MED15: variants seen among roughly 807,000 people sequenced by gnomAD.
The protein encoded by MED15 is mediator complex subunit 15, also known as mediator of RNA polymerase II transcription subunit 15.
In MED15, 41 loss-of-function variants were observed where a neutral mutation model predicts 118.7. The ratio of observed to expected loss-of-function variants is 0.35; its 90% CI spans 0.27 to 0.45. MED15 has a LOEUF of 0.45. Ranked by LOEUF, MED15 falls within the 20% of genes least tolerant of loss-of-function variation. The pLI is 1.00. For synonymous variants in MED15, 436 were observed against 413.9 expected (o/e 1.05, Z -0.65); for missense variants, 740 against 1,025.5 (o/e 0.72, Z 3.80).
chr22:20,543,185 T>G (rs1199466020), intron 2 of MED15, among the ~76,000 whole-genome samples: 1 of 148,408 alleles, frequency 6.7e-6, no homozygotes, highest in Non-Finnish European at 1.5e-5. Flanking sequence ...TACCCTTAAT[T>G]TATCTCTTTC....
intron 1 of MED15, among the ~76,000 whole-genome samples, chr22:20,519,562 C>A (rs918598155): frequency 6.6e-6 from 1 of 151,806 alleles, no homozygotes; most frequent in Admixed American, 6.6e-5. Flanking sequence ...TCAAGTGATT[C>A]TTGTGCCTCA....
intron 8 of MED15, among the ~76,000 whole-genome samples, chr22:20,571,564 G>A (rs1022422518): frequency 2.6e-5 from 4 of 152,164 alleles, no homozygotes; most frequent in African/African-American, 7.2e-5. Flanking sequence ...TCTGTAACCC[G>A]CATTCTGCTG....
In MED15 at chr22:20,564,578, A is replaced by C. The variant is rs2056366375; in HGVS notation, c.580A>C (p.Ser194Arg). 3 of 1,607,654 alleles carry C rather than the reference A, an allele frequency of 1.9e-6. No homozygotes were observed. The highest frequency in any genetic ancestry group is 2.6e-6 in the Non-Finnish European group (3 of 1,175,526). ...ACAGCAGCAGTTCCAGGCTCAGCAG[A>C]GTGCCATGCAGCAGCAGTTCCAAGC... ...QQQQQFQAQQ[S>R]AMQQQFQAVV... The change falls in exon 6 of 18, where the codon AGT becomes CGT. Residue 194 changes from serine (S) to arginine (R), a missense_variant. By Grantham distance (110) the Ser-to-Arg change is moderately radical. This residue lies in a region of MED15 where 384 missense variants were observed against 506.3 expected (regional missense o/e 0.76). Transcript: ENST00000263205.
At chr22:20,518,241 G>T (rs918944169) in intron 1 of MED15, among the ~76,000 whole-genome samples, 1 of 152,118 alleles carries the variant, frequency 6.6e-6, no homozygotes, top group African/African-American at 2.4e-5. Context: ...CCAGGCTTGC[G>T]TGCCTGGTGA....
At chr22:20,556,282 A>G (rs1271914277) in intron 5 of MED15, among the ~76,000 whole-genome samples, 1 of 150,628 alleles carries the variant, frequency 6.6e-6, no homozygotes, top group Non-Finnish European at 1.5e-5. Flanking sequence ...TCAGTTAGAG[A>G]CTTAGCTTGG....
chr22:20,518,708 T>C (rs1192968351), intron 1 of MED15, among the ~76,000 whole-genome samples: 3 of 152,216 alleles, frequency 2.0e-5, no homozygotes, highest in East Asian at 1.9e-4. Context: ...AATAATTATA[T>C]GTAGGGTTGT....
At chr22:20,508,267 C>G in intron 1 of MED15, 1 of 1,295,630 alleles carries the variant, frequency 7.7e-7, no homozygotes, top group South Asian at 1.2e-5. Flanking sequence ...TGGACTTTGC[C>G]GAAGGATGGC....
chr22:20,557,166 T>C (rs1400629478), intron 5 of MED15, among the ~76,000 whole-genome samples: 1 of 152,160 alleles, frequency 6.6e-6, no homozygotes, highest in Non-Finnish European at 1.5e-5. Context: ...GCTTTGTCAG[T>C]GTAGCAGCTG....
At chr22:20,562,475 C>A (rs907479627) in intron 5 of MED15, among the ~76,000 whole-genome samples, 3 of 152,230 alleles carry the variant, frequency 2.0e-5, no homozygotes, top group South Asian at 4.2e-4. Context: ...ACCTCTGCCT[C>A]CCGGGTTCAA....
At chr22:20,540,463 A>G (rs903760950) in intron 2 of MED15, among the ~76,000 whole-genome samples, 2 of 152,136 alleles carry the variant, frequency 1.3e-5, no homozygotes. Flanking sequence ...AGTCCTGCCT[A>G]ATCGACAGGC....
chr22:20,536,284 A>T (rs549397791), intron 1 of MED15, among the ~76,000 whole-genome samples: 28 of 144,324 alleles, frequency 1.9e-4, no homozygotes, highest in African/African-American at 7.1e-4. Context: ...CACCCCTGGG[A>T]GCCACAGGCC....
Position 20,582,760 on chromosome 22 carries a change from T to C in MED15, c.1409+13T>C, listed in dbSNP as rs2057026698. 1 of 1,568,572 alleles carries C rather than the reference T, an allele frequency of 6.4e-7. No individual in the cohort carries two copies. Among genetic ancestry groups the C allele is most frequent in the South Asian group, 1.1e-5 (1 of 89,186 alleles). Reference sequence around the variant, plus strand: ...ACTCCAACGTCAGGTAGGCCTGGCCTGGGGTGCCCCTCCCCACCTGGCCCT... The same window carrying C: ...ACTCCAACGTCAGGTAGGCCTGGCCCGGGGTGCCCCTCCCCACCTGGCCCT... On this transcript the variant is annotated intron_variant, in intron 10 of 17. Coordinates refer to ENST00000263205, the MANE Select transcript of MED15 (RefSeq NM_001003891.3).
chr22:20,531,232 C>G (rs1461689331), intron 1 of MED15, among the ~76,000 whole-genome samples: 1 of 152,162 alleles, frequency 6.6e-6, no homozygotes, highest in Non-Finnish European at 1.5e-5. Context: ...ATTCAGATTA[C>G]AAGGACTGGG....
At chr22:20,562,224 C>T (rs1234771628) in intron 5 of MED15, among the ~76,000 whole-genome samples, 1 of 152,078 alleles carries the variant, frequency 6.6e-6, no homozygotes, top group African/African-American at 2.4e-5. Context: ...TCAATTACAT[C>T]TCTTTGTTAT....
intron 5 of MED15, among the ~76,000 whole-genome samples, chr22:20,556,169 TAG>T (rs1429211303): frequency 6.6e-6 from 1 of 152,218 alleles, no homozygotes; most frequent in Non-Finnish European, 1.5e-5. Context: ...TGGAATAGCA[TAG>T]AGAGTTCCCA....
At chr22:20,552,682 C>T (rs530277635) in intron 3 of MED15, 22 of 311,946 alleles carry the variant, frequency 7.1e-5, no homozygotes, top group Admixed American at 1.4e-4. Context: ...TCCAGCTGGC[C>T]GTGGACAGCC....
intron 1 of MED15, among the ~76,000 whole-genome samples, chr22:20,529,816 T>C (rs2054790781): frequency 6.6e-6 from 1 of 152,184 alleles, no homozygotes; most frequent in Non-Finnish European, 1.5e-5. Flanking sequence ...GGTCTCGAAC[T>C]CCGGACCTCA....
intron 7 of MED15, among the ~76,000 whole-genome samples, chr22:20,567,673 G>C (rs12627899): frequency 6.6e-6 from 1 of 152,158 alleles, no homozygotes; most frequent in African/African-American, 2.4e-5. Context: ...GTTTGCCCTA[G>C]TGGCTTGGAG....
intron 1 of MED15, among the ~76,000 whole-genome samples, chr22:20,518,252 C>G: frequency 6.6e-6 from 1 of 152,106 alleles, no homozygotes. Flanking sequence ...TGCCTGGTGA[C>G]TTCTCTCACC....
Sources: gnomAD v4.1 joint callset for allele counts (sites outside exome capture counted in the v4.1 genomes callset) on GRCh38, gnomAD v4.1.1 for gene constraint, gnomAD v4.1.1 regional missense constraint, MANE v1.5 for transcripts, NCBI Gene and HGNC (gene_info 2026-07-23, HGNC 2026-07-21) for gene names.